LARS2: variants seen among roughly 807,000 people sequenced by gnomAD.
LARS2 encodes the protein leucine--tRNA ligase, mitochondrial.
In LARS2, 81 loss-of-function variants were observed where a neutral mutation model predicts 116.6. The ratio of observed to expected loss-of-function variants is 0.69; its 90% CI spans 0.58 to 0.84. The LOEUF (loss-of-function observed/expected upper bound fraction) is 0.84, where lower values mean the gene tolerates loss of function less well. Ranked by LOEUF, LARS2 falls within the 40% of genes least tolerant of loss-of-function variation. The pLI, the probability that LARS2 is intolerant of heterozygous loss-of-function variation, is 0.00. For missense variants in LARS2, 968 were observed against 1,114.5 expected (o/e 0.87, Z 1.87); for synonymous variants, 396 against 407.2 (o/e 0.97, Z 0.33).
intron 2 of LARS2, among the ~76,000 whole-genome samples, chr3:45,392,655 T>C (rs1697975971): frequency 6.6e-6 from 1 of 151,996 alleles, no homozygotes; most frequent in Non-Finnish European, 1.5e-5. Context: ...GCAAGAGGTG[T>C]TTAATGTAGT....
At chr3:45,464,036 T>C (rs1483392121) in intron 8 of LARS2, among the ~76,000 whole-genome samples, 2 of 152,206 alleles carry the variant, frequency 1.3e-5, no homozygotes, top group African/African-American at 4.8e-5. Context: ...TGGGCAACAG[T>C]GAGCCATTAT....
At chr3:45,400,764 A>T (rs1024136712) in intron 4 of LARS2, among the ~76,000 whole-genome samples, 4 of 152,186 alleles carry the variant, frequency 2.6e-5, no homozygotes, top group Non-Finnish European at 2.9e-5. Context: ...AGACTGCAAG[A>T]TATTTCTTTC....
At chr3:45,499,802 G>A (rs1226754428) in intron 14 of LARS2, among the ~76,000 whole-genome samples, 3 of 152,112 alleles carry the variant, frequency 2.0e-5, no homozygotes, top group Non-Finnish European at 4.4e-5. Flanking sequence ...AAGGTGCATT[G>A]TAGCAAGATG....
intron 14 of LARS2, among the ~76,000 whole-genome samples, chr3:45,499,259 T>A (rs1441738503): frequency 6.6e-6 from 1 of 152,168 alleles, no homozygotes; most frequent in Non-Finnish European, 1.5e-5. Flanking sequence ...CTGACCAACA[T>A]GGCAAAACCC....
intron 6 of LARS2, among the ~76,000 whole-genome samples, chr3:45,429,669 G>T (rs1218430326): frequency 6.7e-6 from 1 of 149,314 alleles, no homozygotes; most frequent in Admixed American, 6.7e-5. Context: ...CATCTTTGAG[G>T]TGGTAATTCA....
chr3:45,396,269 A>C (rs1374455941), intron 3 of LARS2, among the ~76,000 whole-genome samples: 1 of 152,248 alleles, frequency 6.6e-6, no homozygotes, highest in Non-Finnish European at 1.5e-5. Flanking sequence ...CAGAGTGAGC[A>C]CTCAGTGAGT....
At chr3:45,456,381 G>A (rs1418699795) in intron 7 of LARS2, among the ~76,000 whole-genome samples, 8 of 152,160 alleles carry the variant, frequency 5.3e-5, no homozygotes, top group African/African-American at 9.7e-5. Flanking sequence ...TCAGGAGTTC[G>A]AGACCAGCCT....
chr3:45,444,806 A>G (rs1698991034), intron 6 of LARS2, among the ~76,000 whole-genome samples: 1 of 150,400 alleles, frequency 6.6e-6, no homozygotes, highest in Non-Finnish European at 1.5e-5. Context: ...AATATGTTGT[A>G]TATGTGTTAC....
chr3:45,421,360 A>G (rs1009255593), intron 6 of LARS2: 1 of 152,220 alleles, frequency 6.6e-6, no homozygotes, highest in African/African-American at 2.4e-5. Flanking sequence ...AGATAAATGC[A>G]CTATTTTCTT....
intron 8 of LARS2, among the ~76,000 whole-genome samples, chr3:45,461,017 C>G (rs542917394): frequency 6.6e-6 from 1 of 152,056 alleles, no homozygotes; most frequent in African/African-American, 2.4e-5. Flanking sequence ...TGAAAAGAAG[C>G]AGGAAATTAT....
intron 6 of LARS2, among the ~76,000 whole-genome samples, chr3:45,445,907 G>T (rs995917895): frequency 6.6e-6 from 1 of 152,056 alleles, no homozygotes; most frequent in Non-Finnish European, 1.5e-5. Flanking sequence ...GTAAAAGTAC[G>T]CTTTCTATCA....
intron 6 of LARS2, among the ~76,000 whole-genome samples, chr3:45,429,437 C>G (rs923705465): frequency 3.3e-5 from 5 of 152,204 alleles, no homozygotes; most frequent in African/African-American, 1.2e-4. Flanking sequence ...GCTTGCATTT[C>G]TTCTCAAGCC....
At position 45,406,622 on chromosome 3, in the gene LARS2, C is replaced by T. The variant is rs550753339; in HGVS notation, c.363+6249C>T. ...TTAGTCAAAGCGGTGATGGTGTCTG[C>T]CCTACCCGCATCATGGATTTGTTGT... is the stretch of plus-strand genomic sequence containing the variant. On this transcript the variant is annotated intron_variant, in intron 4 of 21. Transcript: ENST00000645846. Among the ~76,000 whole-genome samples the T allele has an allele frequency of 6.2e-4, 94 of 152,252 alleles. 1 individual carries two copies. Among genetic ancestry groups the T allele is most frequent in the African/African-American group, 1.9e-3 (80 of 41,546 alleles).
At chr3:45,476,096 C>T (rs1195239257) in intron 9 of LARS2, among the ~76,000 whole-genome samples, 16 of 148,798 alleles carry the variant, frequency 1.1e-4, no homozygotes, top group Non-Finnish European at 1.9e-4. Context: ...ACCCTTATAT[C>T]CTTGAAGAAA....
chr3:45,449,409 G>A (rs1006283040), intron 7 of LARS2, among the ~76,000 whole-genome samples: 75 of 152,032 alleles, frequency 4.9e-4, no homozygotes, highest in African/African-American at 1.6e-3. Flanking sequence ...TGATCTGCCC[G>A]CCTCAGCCTC....
chr3:45,504,196 G>A (rs368878859), intron 15 of LARS2, among the ~76,000 whole-genome samples: 3 of 151,436 alleles, frequency 2.0e-5, no homozygotes, highest in South Asian at 4.2e-4. Flanking sequence ...TTTATTATAC[G>A]CTTAGCAAAT....
chr3:45,412,979 C>T (rs1036494630), intron 4 of LARS2, among the ~76,000 whole-genome samples: 3 of 152,182 alleles, frequency 2.0e-5, no homozygotes, highest in African/African-American at 7.2e-5. Flanking sequence ...CAAGAACAGC[C>T]GGGCTGCTTT....
Position 45,491,609 on chromosome 3 carries a change from G to T in LARS2, c.1332G>T (p.Leu444=). Residue 444 remains leucine, a synonymous_variant, in exon 13 of 22, where the codon CTG becomes CTT. Coordinates refer to ENST00000645846, the MANE Select transcript of LARS2 (RefSeq NM_015340.4). The part of the protein sequence containing the change: ...RVGGDVTSDK[L]KDWLISRQRY... The stretch of plus-strand genomic sequence containing the variant: ...GTGGAGACGTGACAAGTGATAAACT[G>T]AAAGACTGGCTGATTTCACGGCAGC... The T allele has an allele frequency of 6.2e-7, 1 of 1,614,198 alleles. No homozygotes were observed.
chr3:45,406,717 C>A (rs1393498581), intron 4 of LARS2, among the ~76,000 whole-genome samples: 1 of 152,060 alleles, frequency 6.6e-6, no homozygotes, highest in Non-Finnish European at 1.5e-5. Flanking sequence ...CAAGTGTAAC[C>A]CAATTAATAG....
Sources: gnomAD v4.1 joint callset for allele counts (sites outside exome capture counted in the v4.1 genomes callset) on GRCh38, gnomAD v4.1.1 for gene constraint, MANE v1.5 for transcripts, NCBI Gene and HGNC (gene_info 2026-07-23, HGNC 2026-07-21) for gene names.